Variants in STAG1 observed in about 807,000 individuals in gnomAD.
The protein encoded by STAG1 is STAG1 cohesin complex component.
Under a neutral mutation model 170.9 loss-of-function variants are expected in STAG1, and 26 were observed. The observed-to-expected ratio is 0.15, with a 90% CI of 0.11 to 0.21. The LOEUF is 0.21. Among genes scored for constraint, STAG1 ranks in the 10% least tolerant of loss-of-function variants. The pLI, the probability that STAG1 is intolerant of heterozygous loss-of-function variation, is 1.00. For missense variants in STAG1, 964 were observed against 1,509.5 expected (o/e 0.64, Z 5.99); for synonymous variants, 514 against 497.7 (o/e 1.03, Z -0.44).
chr3:136,704,519 C>T (rs1943170751), intron 1 of STAG1, among the ~76,000 whole-genome samples: 1 of 151,666 alleles, frequency 6.6e-6, no homozygotes, highest in Admixed American at 6.6e-5. Flanking sequence ...GATTATAAAT[C>T]AAAAGTTGTT....
chr3:136,502,320 C>G (rs1933527710), intron 8 of STAG1, among the ~76,000 whole-genome samples: 2 of 151,182 alleles, frequency 1.3e-5, no homozygotes, highest in Admixed American at 1.3e-4. Context: ...TGTAGCTTTG[C>G]TGGCTCACGG....
At chr3:136,401,972 G>A (rs1344458499) in intron 21 of STAG1, among the ~76,000 whole-genome samples, 2 of 151,884 alleles carry the variant, frequency 1.3e-5, no homozygotes, top group South Asian at 2.1e-4. Context: ...TCTAACTCCT[G>A]ACCTCAGGTG....
intron 5 of STAG1, among the ~76,000 whole-genome samples, chr3:136,562,808 G>C (rs992401661): frequency 6.6e-6 from 1 of 151,926 alleles, no homozygotes; most frequent in Non-Finnish European, 1.5e-5. Flanking sequence ...GGCTGGTCTT[G>C]AACTCCTGAC....
chr3:136,590,789 T>A (rs1172829761), intron 4 of STAG1, among the ~76,000 whole-genome samples: 1 of 152,198 alleles, frequency 6.6e-6, no homozygotes, highest in Non-Finnish European at 1.5e-5. Flanking sequence ...ACACTATGGG[T>A]TATAAAATCT....
chr3:136,736,519 T>C (rs2107945709), intron 1 of STAG1: 7 of 1,439,100 alleles, frequency 4.9e-6, no homozygotes, highest in Non-Finnish European at 5.9e-6. Context: ...ATTTTTACTT[T>C]CGGTGGTCTC....
chr3:136,750,152 T>TA (rs937259184), intron 1 of STAG1, among the ~76,000 whole-genome samples: 1 of 152,206 alleles, frequency 6.6e-6, no homozygotes, highest in African/African-American at 2.4e-5. Flanking sequence ...GACATCTTGT[T>TA]ACACAATCAC....
chr3:136,707,306 T>C (rs565287277), intron 1 of STAG1, among the ~76,000 whole-genome samples: 1 of 152,266 alleles, frequency 6.6e-6, no homozygotes, highest in African/African-American at 2.4e-5. Flanking sequence ...GGGTCCAGTA[T>C]CCAGACTACA....
intron 1 of STAG1, among the ~76,000 whole-genome samples, chr3:136,719,263 G>C (rs1418256784): frequency 6.6e-6 from 1 of 152,034 alleles, no homozygotes. Flanking sequence ...CCAAACATAA[G>C]AGCATATAAA....
intron 1 of STAG1, among the ~76,000 whole-genome samples, chr3:136,717,645 CA>C (rs766393902): frequency 6.6e-6 from 1 of 152,082 alleles, no homozygotes; most frequent in Non-Finnish European, 1.5e-5. Context: ...GCCTGGGCAA[CA>C]AGAGTGAAAC....
At chr3:136,695,341 G>A (rs548846800) in intron 1 of STAG1, among the ~76,000 whole-genome samples, 1 of 152,080 alleles carries the variant, frequency 6.6e-6, no homozygotes, top group Non-Finnish European at 1.5e-5. Flanking sequence ...GGAGGTTGAG[G>A]CAGAAGAATC....
At chr3:136,725,510 T>C (rs1447370738) in intron 1 of STAG1, among the ~76,000 whole-genome samples, 1 of 152,238 alleles carries the variant, frequency 6.6e-6, no homozygotes, top group Non-Finnish European at 1.5e-5. Flanking sequence ...TAAGTATTAA[T>C]TATTGCTAGT....
intron 4 of STAG1, among the ~76,000 whole-genome samples, chr3:136,578,565 A>C (rs1937526737): frequency 6.6e-6 from 1 of 152,186 alleles, no homozygotes; most frequent in African/African-American, 2.4e-5. Flanking sequence ...ACATACAATA[A>C]ATCTTTTAAT....
intron 26 of STAG1, among the ~76,000 whole-genome samples, chr3:136,361,783 GTTTT>G (rs1251500786): frequency 6.6e-5 from 10 of 151,898 alleles, no homozygotes; most frequent in African/African-American, 2.4e-4. Flanking sequence ...GGCTATTTTT[GTTTT>G]TGTTTTTGGA....
intron 1 of STAG1, among the ~76,000 whole-genome samples, chr3:136,674,710 T>C (rs1269721881): frequency 6.6e-6 from 1 of 152,232 alleles, no homozygotes; most frequent in Non-Finnish European, 1.5e-5. Context: ...GTTTTCACAA[T>C]GTATACTTAT....
chr3:136,465,938 T>G (rs1320150377), intron 12 of STAG1, among the ~76,000 whole-genome samples: 1 of 152,002 alleles, frequency 6.6e-6, no homozygotes, highest in Non-Finnish European at 1.5e-5. Context: ...CAGCTACTTG[T>G]GAGGCTAAGA....
At chr3:136,553,601 T>C (rs1416222001) in intron 5 of STAG1, among the ~76,000 whole-genome samples, 1 of 151,852 alleles carries the variant, frequency 6.6e-6, no homozygotes, top group Admixed American at 6.6e-5. Flanking sequence ...TGGTGAAACC[T>C]TGTCTCTACT....
intron 4 of STAG1, among the ~76,000 whole-genome samples, chr3:136,598,641 T>G (rs1161109981): frequency 6.6e-6 from 1 of 152,106 alleles, no homozygotes; most frequent in East Asian, 1.9e-4. Flanking sequence ...TTACCCAGGA[T>G]GGTTTCGATC....
chr3:136,437,710 G>A (rs1482999333), intron 15 of STAG1, among the ~76,000 whole-genome samples: 1 of 151,936 alleles, frequency 6.6e-6, no homozygotes, highest in Non-Finnish European at 1.5e-5. Flanking sequence ...TGGCTCTCTT[G>A]AACATCCTCT....
At chr3:136,340,637 A>G (rs1935929318) in intron 31 of STAG1, 32 bp from the exon 32 acceptor site, 2 of 1,397,370 alleles carry the variant, frequency 1.4e-6, no homozygotes, top group Non-Finnish European at 2.0e-6. Flanking sequence ...CAGAAAGCTC[A>G]TCAGACTCCA....
Sources: gnomAD v4.1 joint callset for allele counts (sites outside exome capture counted in the v4.1 genomes callset) on GRCh38, gnomAD v4.1.1 for gene constraint, MANE v1.5 for transcripts, NCBI Gene and HGNC (gene_info 2026-07-23, HGNC 2026-07-21) for gene names.